MMP27: variants seen among roughly 807,000 people sequenced by gnomAD.
MMP27 encodes the protein matrix metallopeptidase 27.
A neutral mutation model predicts 48.1 loss-of-function variants in MMP27; 51 were observed. The ratio of observed to expected loss-of-function variants is 1.06; its 90% CI spans 0.85 to 1.34. MMP27 has a LOEUF of 1.34. Ranked by LOEUF, MMP27 falls within the 40% of genes most tolerant of loss-of-function variation. The probability of loss-of-function intolerance (pLI) is 0.00; values close to 1 mark genes in which losing one functional copy is unlikely to be tolerated. For synonymous variants in MMP27, 229 were observed against 208.9 expected (o/e 1.10, Z -0.83); for missense variants, 698 against 619.3 (o/e 1.13, Z -1.35).
chr11:102,692,808 G>T (rs1860749527), intron 9 of MMP27, 130 bp downstream of exon 9: 2 of 659,000 alleles, frequency 3.0e-6, no homozygotes, highest in Non-Finnish European at 5.3e-6. Context: ...TGGGGTTAAT[G>T]TTTATTATTG....
chr11:102,704,480 G>A, intron 2 of MMP27, 57 bp downstream of exon 2: 1 of 1,321,026 alleles, frequency 7.6e-7, no homozygotes, highest in Non-Finnish European at 1.1e-6. Context: ...TCTGTTCCTT[G>A]GAAATTATCT....
chr11:102,696,815 C>T lies in MMP27; in HGVS notation c.640G>A (p.Ala214Thr), dbSNP rs767401507. Residue 214 changes from alanine to threonine, a missense_variant, in exon 5 of 10, where the codon GCT (alanine) becomes ACT (threonine). Ala to Thr is a moderately conservative substitution (Grantham distance 58). Coordinates refer to ENST00000260229, the MANE Select transcript of MMP27 (RefSeq NM_022122.3). ...AGTGCATGACCAAATTCATGAGCAG[C>T]CACAAGAAACAAGTTGAATCCTTGA... ...DGAGFNLFLV[A>T]AHEFGHALGL... 1 of 1,609,904 alleles carries T rather than the reference C, an allele frequency of 6.2e-7. No homozygotes were observed. Among genetic ancestry groups the T allele is most frequent in the Non-Finnish European group, 8.5e-7 (1 of 1,178,926 alleles).
At chr11:102,695,486 G>A (rs1377531770) in intron 6 of MMP27, among the ~76,000 whole-genome samples, 24 of 152,140 alleles carry the variant, frequency 1.6e-4, no homozygotes, top group Admixed American at 1.4e-3. Context: ...ACTGACATGC[G>A]AAAATACTTC....
chr11:102,703,881 C>T (rs555469510), intron 2 of MMP27, among the ~76,000 whole-genome samples: 2 of 152,248 alleles, frequency 1.3e-5, no homozygotes, highest in South Asian at 4.1e-4. Context: ...AGATTTTTCT[C>T]GTTTATGTTG....
rs761334653 is a variant in MMP27, at chr11:102,696,504, A to G, written c.782-13T>C. ...TTAGGCAGACCTCCTTTGATGAGAAAAAAAATACCACAATGAATTAAGAGG... is the reference window on the plus strand; with the variant it reads ...TTAGGCAGACCTCCTTTGATGAGAAGAAAAATACCACAATGAATTAAGAGG... On this transcript the variant is annotated splice_polypyrimidine_tract_variant and intron_variant, in intron 5 of 9. Transcript: ENST00000260229. 104 of 1,611,952 alleles carry G rather than the reference A, an allele frequency of 6.5e-5. 1 individual carries two copies. The highest frequency in any genetic ancestry group is 2.5e-4 in the Admixed American group (15 of 59,548).
rs1860973340 is a variant in MMP27, at chr11:102,703,007, C to T, written c.453G>A (p.Lys151=). Reference sequence around the variant, plus strand: ...AGGCAATCATGATGTCTGCAATCCCCTTTGAAATCTTGGTGAATTTTAGTG... The same window carrying T: ...AGGCAATCATGATGTCTGCAATCCCTTTTGAAATCTTGGTGAATTTTAGTG... The part of the protein sequence containing the change: ...VTPLKFTKIS[K]GIADIMIAFR... Residue 151 remains lysine (K), a synonymous_variant, in exon 3 of 10, where the codon AAG becomes AAA. Coordinates refer to ENST00000260229, the MANE Select transcript of MMP27 (RefSeq NM_022122.3). 6.2e-7 allele frequency: 1 copy of T among 1,614,070 alleles called. No homozygotes were observed. Among genetic ancestry groups the T allele is most frequent in the Non-Finnish European group, 8.5e-7 (1 of 1,180,018 alleles).
chr11:102,692,841 T>C, intron 9 of MMP27, 97 bp downstream of exon 9: 1 of 940,566 alleles, frequency 1.1e-6, no homozygotes. Flanking sequence ...AGTAGCAAAA[T>C]TGCATTAAAA....
intron 8 of MMP27, 130 bp downstream of exon 8, chr11:102,693,776 C>A (rs962087176): frequency 2.7e-6 from 2 of 735,126 alleles, no homozygotes; most frequent in African/African-American, 1.8e-5. Context: ...CAGAGCAAGA[C>A]TCCATCTCAA....
rs1432352801 is a variant in MMP27, at chr11:102,691,505, T to C, written c.*261A>G. The C allele has an allele frequency of 6.6e-6, 2 of 303,300 alleles. No individual in the cohort carries two copies. The highest frequency in any genetic ancestry group is 5.3e-5 in the South Asian group (1 of 18,844). 18.8% of individuals were successfully genotyped at this position (303,300 alleles called of 1,614,324 possible). A position where few individuals can be genotyped will look rare whatever the true frequency, so the allele number is the denominator to read the frequency against. ...GACAAAATAGAATGCTAAAGATTGG[T>C]TTAATAAATGTTTCAGTATTCAGTT... On this transcript the variant is annotated 3_prime_UTR_variant, in exon 10 of 10. Coordinates refer to ENST00000260229, the MANE Select transcript of MMP27 (RefSeq NM_022122.3).
At chr11:102,704,877 T>A in intron 1 of MMP27, 102 bp from the exon 2 acceptor site, 92 of 630,524 alleles carry the variant, frequency 1.5e-4, no homozygotes, top group Middle Eastern at 8.8e-4. Context: ...CTTCTGGCAA[T>A]AGGAAAGGGG....
At chr11:102,701,846 A>C (rs1418585052) in intron 4 of MMP27, among the ~76,000 whole-genome samples, 1 of 152,244 alleles carries the variant, frequency 6.6e-6, no homozygotes, top group Non-Finnish European at 1.5e-5. Flanking sequence ...TTTCACAGAA[A>C]GTGCAAAGCT....
intron 6 of MMP27, among the ~76,000 whole-genome samples, chr11:102,695,474 T>A (rs946588815): frequency 6.6e-6 from 1 of 152,200 alleles, no homozygotes; most frequent in African/African-American, 2.4e-5. Flanking sequence ...AGAAATGTAA[T>A]CACTGACATG....
chr11:102,704,887 GA>G (rs1591664346), intron 1 of MMP27, 112 bp from the exon 2 acceptor site: 2 of 616,530 alleles, frequency 3.2e-6, no homozygotes, highest in Non-Finnish European at 5.6e-6. Context: ...TAGGAAAGGG[GA>G]AAAAAAAGAA....
In MMP27 at chr11:102,694,028, C is replaced by A. The variant is rs755268348; in HGVS notation, c.1071G>T (p.Leu357Phe). 36 of 1,605,566 alleles carry A rather than the reference C, an allele frequency of 2.2e-5. No homozygotes were observed. Among genetic ancestry groups the A allele is most frequent in the African/African-American group, 4.0e-5 (3 of 74,480 alleles). The change falls in exon 8 of 10, where the codon TTG (leucine) becomes TTT (phenylalanine). Residue 357 changes from leucine to phenylalanine, a missense_variant. Coordinates refer to ENST00000260229, the MANE Select transcript of MMP27 (RefSeq NM_022122.3). ...TATGGATGGATTTGGGATAATCTGGCAAGACAGCATATCCTCTGATCATCC... is the reference window on the plus strand; with the variant it reads ...TATGGATGGATTTGGGATAATCTGGAAAGACAGCATATCCTCTGATCATCC... ...NFWMIRGYAV[L>F]PDYPKSIHTL...
At chr11:102,702,621 G>T in intron 4 of MMP27, 132 bp downstream of exon 4, 1 of 1,041,500 alleles carries the variant, frequency 9.6e-7, no homozygotes, top group Non-Finnish European at 1.4e-6. Flanking sequence ...TTCCATCAAG[G>T]TCATCTTGGA....
In MMP27 at chr11:102,694,986, A is replaced by G. The variant is rs1860796063; in HGVS notation, c.1014T>C (p.Asp338=). Residue 338 remains aspartate, a synonymous_variant, in exon 7 of 10, where the codon GAT becomes GAC. Transcript: ENST00000260229. ...DLQAAYENPR[D]KILVFKDENF... The stretch of plus-strand genomic sequence containing the variant: ...GGTTACCTTTAAAAACCAGAATCTT[A>G]TCTCTGGGGTTCTCGTATGCAGCTT... 2.2e-5 allele frequency: 36 copies of G among 1,613,948 alleles called. No homozygotes were observed. The highest frequency in any genetic ancestry group is 3.0e-5 in the Non-Finnish European group (35 of 1,179,918).
At chr11:102,696,616 C>A in intron 5 of MMP27, 58 bp downstream of exon 5, 1 of 1,570,244 alleles carries the variant, frequency 6.4e-7, no homozygotes, top group Non-Finnish European at 8.6e-7. Flanking sequence ...TTCTTAACTT[C>A]CTTTCTGAAA....
chr11:102,701,300 T>TA (rs34278454), intron 4 of MMP27, among the ~76,000 whole-genome samples: 81,059 of 151,020 alleles, frequency 0.54, 21,909 homozygotes, highest in Middle Eastern at 0.59. Context: ...ACATCGGACT[T>TA]AAAAAAAAAT....
In MMP27 at chr11:102,705,589, C is replaced by T. The variant is rs748989174; in HGVS notation, c.102+24G>A. 13 of 1,333,612 alleles carry T rather than the reference C, an allele frequency of 9.7e-6. No individual in the cohort carries two copies. In the East Asian group the frequency reaches 1.0e-4, roughly 11 times the overall value. 82.6% of individuals were successfully genotyped at this position (1,333,612 alleles called of 1,614,324 possible). Reference sequence around the variant, plus strand: ...AAATAAGCTTTTTATCAATAGTCATCGATATCATTTATTAAGACAGTACCT... The same window carrying T: ...AAATAAGCTTTTTATCAATAGTCATTGATATCATTTATTAAGACAGTACCT... On this transcript the variant is annotated intron_variant, in intron 1 of 9. Transcript: ENST00000260229.
Sources: gnomAD v4.1 joint callset for allele counts (sites outside exome capture counted in the v4.1 genomes callset) on GRCh38, gnomAD v4.1.1 for gene constraint, MANE v1.5 for transcripts, NCBI Gene and HGNC (gene_info 2026-07-23, HGNC 2026-07-21) for gene names.